MALRD1: variants seen among roughly 807,000 people sequenced by gnomAD.
The protein encoded by MALRD1 is MAM and LDL-receptor class A domain-containing protein 1.
A neutral mutation model predicts 242.1 loss-of-function variants in MALRD1; 247 were observed. That is an observed-to-expected ratio of 1.02 (90% CI 0.92 to 1.13). The LOEUF (loss-of-function observed/expected upper bound fraction) is 1.13, where lower values mean the gene tolerates loss of function less well. Among genes scored for constraint, MALRD1 ranks in the 50% most tolerant of loss-of-function variants. MALRD1 has a pLI of 0.00. For missense variants in MALRD1, 2,989 were observed against 2,533.1 expected, an observed-to-expected ratio of 1.18 and a Z score of -3.86; for synonymous variants, 995 against 866.6, an observed-to-expected ratio of 1.15 and a Z score of -2.60.
chr10:19,387,468 G>A lies in MALRD1; in HGVS notation c.4442-60G>A. 7.4e-6 allele frequency: 11 copies of A among 1,493,906 alleles called. 1 individual carries two copies. In the South Asian group the frequency reaches 1.5e-4, roughly 20 times the overall value. The allele number at this position is 1,493,906 out of a possible 1,614,324, so 92.5% of individuals were successfully genotyped here. A position where few individuals can be genotyped will look rare whatever the true frequency, so the allele number is the denominator to read the frequency against. On this transcript the variant is annotated intron_variant, in intron 26 of 39. Coordinates refer to ENST00000454679, the MANE Select transcript of MALRD1 (RefSeq NM_001142308.3). ...AATGAATCCACTCTTACTGCTTTTT[G>A]ACCTCACTGAATGTGTTAGGAGTGT... is the stretch of plus-strand genomic sequence containing the variant.
chr10:19,429,291 C>G (rs1430239995), intron 28 of MALRD1, among the ~76,000 whole-genome samples: 1 of 151,386 alleles, frequency 6.6e-6, no homozygotes. Flanking sequence ...TCACTTAGGC[C>G]GGGCGTGGTG....
chr10:19,266,843 C>T (rs541935862), intron 19 of MALRD1, among the ~76,000 whole-genome samples: 105 of 151,836 alleles, frequency 6.9e-4, no homozygotes, highest in African/African-American at 2.1e-3. Context: ...GAGGAGACCG[C>T]GGTGAGGAAT....
intron 18 of MALRD1, among the ~76,000 whole-genome samples, chr10:19,238,441 A>ATATATAT (rs1838538582): frequency 2.1e-5 from 1 of 47,314 alleles, no homozygotes; most frequent in Non-Finnish European, 3.8e-5. Flanking sequence ...ATAATATATA[A>ATATATAT]TATACATTAT....
At chr10:19,313,497 A>G (rs1041910544) in intron 21 of MALRD1, among the ~76,000 whole-genome samples, 1 of 151,406 alleles carries the variant, frequency 6.6e-6, no homozygotes, top group Non-Finnish European at 1.5e-5. Context: ...CTAGAATAGA[A>G]TAATTTGAAT....
At chr10:19,369,312 A>G (rs1391165292) in intron 26 of MALRD1, among the ~76,000 whole-genome samples, 2 of 147,158 alleles carry the variant, frequency 1.4e-5, no homozygotes, top group Non-Finnish European at 3.0e-5. Flanking sequence ...TAAATATAAT[A>G]CATAATAAAA....
intron 38 of MALRD1, chr10:19,721,522 A>G (rs1254521844): frequency 1.3e-5 from 2 of 152,082 alleles, no homozygotes; most frequent in African/African-American, 2.4e-5. Flanking sequence ...AGTCACATTC[A>G]TTTTTATGGT....
At chr10:19,387,503 C>T (rs1846134471) in intron 26 of MALRD1, 25 bp from the exon 27 acceptor site, 2 of 1,544,560 alleles carry the variant, frequency 1.3e-6, no homozygotes, top group Admixed American at 4.0e-5. Flanking sequence ...TTCGCTCATT[C>T]TTGTTTTCTT....
chr10:19,489,922 T>A (rs571166180), intron 29 of MALRD1, among the ~76,000 whole-genome samples: 1 of 152,198 alleles, frequency 6.6e-6, no homozygotes, highest in Admixed American at 6.5e-5. Flanking sequence ...ATAACTTTGT[T>A]ACTGTGCTGT....
rs141817103 is a variant in MALRD1 at position 19,189,747 on chromosome 10, T to C, written c.1952-13981T>C. Among the ~76,000 whole-genome samples, 258 of 152,100 alleles carry C rather than the reference T, an allele frequency of 1.7e-3. 1 individual carries two copies. The highest frequency in any genetic ancestry group is 3.2e-3 in the Non-Finnish European group (218 of 67,950). On this transcript the variant is annotated intron_variant, in intron 14 of 39. Coordinates refer to ENST00000454679, the MANE Select transcript of MALRD1 (RefSeq NM_001142308.3). ...CTCAATTGATGCAGAAAAAAACATTTGATACAATTCAATATTTAATTCAGG... is the reference window on the plus strand; with the variant it reads ...CTCAATTGATGCAGAAAAAAACATTCGATACAATTCAATATTTAATTCAGG...
At chr10:19,351,957 T>C (rs760005031) in intron 25 of MALRD1, 49 bp from the exon 26 acceptor site, 43 of 1,386,758 alleles carry the variant, frequency 3.1e-5, no homozygotes, top group Non-Finnish European at 4.0e-5. Flanking sequence ...TAATATCATA[T>C]TAATTATACT....
chr10:19,352,638 G>A (rs1181087958), intron 26 of MALRD1, among the ~76,000 whole-genome samples: 3 of 152,092 alleles, frequency 2.0e-5, no homozygotes, highest in African/African-American at 7.2e-5. Context: ...TAAAACATAG[G>A]TAAATTGAGG....
chr10:19,535,981 A>G (rs1225307085), intron 32 of MALRD1, among the ~76,000 whole-genome samples: 2 of 152,222 alleles, frequency 1.3e-5, no homozygotes, highest in Admixed American at 6.5e-5. Context: ...AGGCAATAAA[A>G]ATAGGAATGC....
chr10:19,245,881 G>A (rs1839020927), intron 18 of MALRD1, among the ~76,000 whole-genome samples: 1 of 152,146 alleles, frequency 6.6e-6, no homozygotes, highest in Non-Finnish European at 1.5e-5. Flanking sequence ...CTTGAGATGA[G>A]TTGTAAATGT....
chr10:19,203,926 A>G, intron 15 of MALRD1, 46 bp downstream of exon 15: 1 of 1,546,500 alleles, frequency 6.5e-7, no homozygotes, highest in Non-Finnish European at 8.7e-7. Context: ...TTTACTGTTT[A>G]GTTAGACTTC....
chr10:19,299,312 A>T (rs1266233295), intron 21 of MALRD1, among the ~76,000 whole-genome samples: 1 of 151,946 alleles, frequency 6.6e-6, no homozygotes, highest in Non-Finnish European at 1.5e-5. Flanking sequence ...AAAGCTATCA[A>T]ATACAAAGTA....
intron 25 of MALRD1, among the ~76,000 whole-genome samples, chr10:19,350,287 T>G (rs1456393827): frequency 6.7e-6 from 1 of 149,828 alleles, no homozygotes; most frequent in African/African-American, 2.5e-5. Context: ...TTTTTTTTTT[T>G]TGAGATGGAG....
intron 21 of MALRD1, among the ~76,000 whole-genome samples, chr10:19,293,478 A>G (rs969516000): frequency 1.4e-4 from 21 of 152,192 alleles, no homozygotes; most frequent in African/African-American, 5.1e-4. Flanking sequence ...GCATTTTCAT[A>G]TATATCAGTA....
At chr10:19,684,289 A>G (rs1039193896) in intron 36 of MALRD1, among the ~76,000 whole-genome samples, 1 of 152,202 alleles carries the variant, frequency 6.6e-6, no homozygotes, top group Non-Finnish European at 1.5e-5. Context: ...ACTTTGTAAC[A>G]TTATCATATT....
chr10:19,255,214 C>A (rs962156548), intron 18 of MALRD1, among the ~76,000 whole-genome samples: 9 of 152,020 alleles, frequency 5.9e-5, no homozygotes, highest in African/African-American at 2.2e-4. Context: ...TTAAACTAAA[C>A]TGGATTTTCA....
Sources: gnomAD v4.1 joint callset for allele counts (sites outside exome capture counted in the v4.1 genomes callset) on GRCh38, gnomAD v4.1.1 for gene constraint, MANE v1.5 for transcripts, NCBI Gene and HGNC (gene_info 2026-07-23, HGNC 2026-07-21) for gene names.